The following ADAM10 variants were observed in gnomAD, a reference collection of about 807,000 sequenced individuals.
ADAM10 encodes the protein ADAM metallopeptidase domain 10.
Under a neutral mutation model 90.1 loss-of-function variants are expected in ADAM10, and 17 were observed. The ratio of observed to expected loss-of-function variants is 0.19; its 90% CI spans 0.13 to 0.28. ADAM10 has a LOEUF of 0.28. ADAM10 is among the 10% of genes least tolerant of loss of function. The pLI is 1.00. For synonymous variants in ADAM10, 310 were observed against 298.6 expected (o/e 1.04, Z -0.40); for missense variants, 610 against 914.3 (o/e 0.67, Z 4.29).
intron 5 of ADAM10, among the ~76,000 whole-genome samples, chr15:58,661,217 T>C (rs1896957659): frequency 6.6e-6 from 1 of 152,210 alleles, no homozygotes; most frequent in Admixed American, 6.5e-5. Flanking sequence ...GAGAAAAAAC[T>C]GCTTAATATT....
intron 5 of ADAM10, among the ~76,000 whole-genome samples, chr15:58,659,732 T>C (rs1033715194): frequency 3.9e-5 from 6 of 152,206 alleles, no homozygotes; most frequent in African/African-American, 1.4e-4. Flanking sequence ...TATGAAGTTT[T>C]CTCTTTCTTT....
intron 5 of ADAM10, among the ~76,000 whole-genome samples, chr15:58,650,760 T>C (rs1387421064): frequency 6.6e-6 from 1 of 152,226 alleles, no homozygotes; most frequent in Non-Finnish European, 1.5e-5. Context: ...AACACGTATA[T>C]GGAAATATAC....
chr15:58,614,752 C>T (rs1253093163), intron 11 of ADAM10, among the ~76,000 whole-genome samples: 11 of 152,078 alleles, frequency 7.2e-5, no homozygotes, highest in African/African-American at 2.7e-4. Context: ...GATTCCTGCA[C>T]CTGGAAGCAA....
Position 58,592,357 on chromosome 15 carries a change from A to G in ADAM10, c.*5190T>C, listed in dbSNP as rs1415244444. ...CCCAAAGGTAACTATAATTCTGTCC[A>G]CTACCATCATTAACTCACAGAGTTA... On this transcript the variant is annotated 3_prime_UTR_variant, in exon 16 of 16. Transcript: ENST00000260408. The G allele has an allele frequency of 6.6e-6, 1 of 152,202 alleles. No homozygotes were observed. Among genetic ancestry groups the G allele is most frequent in the African/African-American group, 2.4e-5 (1 of 41,434 alleles). The allele number at this position is 152,202 out of a possible 1,614,324, so 9.4% of individuals were successfully genotyped here. A position where few individuals can be genotyped will look rare whatever the true frequency, so the allele number is the denominator to read the frequency against.
chr15:58,651,308 C>T (rs1166615569), intron 5 of ADAM10, among the ~76,000 whole-genome samples: 4 of 152,050 alleles, frequency 2.6e-5, no homozygotes, highest in Admixed American at 6.6e-5. Flanking sequence ...TTATTATTGA[C>T]TATAGTTGCC....
chr15:58,677,599 A>G (rs1440614579), intron 4 of ADAM10, among the ~76,000 whole-genome samples: 3 of 152,332 alleles, frequency 2.0e-5, no homozygotes, highest in South Asian at 4.1e-4. Flanking sequence ...GAGAGGCACA[A>G]TAACAGAAGT....
intron 2 of ADAM10, among the ~76,000 whole-genome samples, chr15:58,714,059 C>A (rs1416604178): frequency 6.6e-6 from 1 of 152,172 alleles, no homozygotes; most frequent in African/African-American, 2.4e-5. Flanking sequence ...CCGCCTCAGC[C>A]TCCCAAAGTG....
intron 5 of ADAM10, among the ~76,000 whole-genome samples, chr15:58,662,247 T>G (rs1344126807): frequency 6.6e-6 from 1 of 152,198 alleles, no homozygotes; most frequent in African/African-American, 2.4e-5. Context: ...TTGAGGTTTG[T>G]TTTTCTGCTT....
intron 2 of ADAM10, among the ~76,000 whole-genome samples, chr15:58,714,309 A>ACG (rs1326207561): frequency 3.3e-5 from 5 of 151,670 alleles, no homozygotes; most frequent in Non-Finnish European, 5.9e-5. Context: ...ACACACACAC[A>ACG]CACACACACA....
At chr15:58,634,151 A>G (rs1175944746) in intron 8 of ADAM10, among the ~76,000 whole-genome samples, 1 of 152,044 alleles carries the variant, frequency 6.6e-6, no homozygotes, top group East Asian at 1.9e-4. Context: ...TCTCTACTAA[A>G]AATACAAAAA....
intron 1 of ADAM10, among the ~76,000 whole-genome samples, chr15:58,720,432 G>T (rs544507148): frequency 6.7e-6 from 1 of 148,328 alleles, no homozygotes; most frequent in East Asian, 2.0e-4. Context: ...ACAGAGTCTC[G>T]CTCTGTCACC....
At chr15:58,647,248 ATTTTTTTTTT>A (rs67378373) in intron 5 of ADAM10, among the ~76,000 whole-genome samples, 118 of 59,600 alleles carry the variant, frequency 2.0e-3, no homozygotes, top group South Asian at 3.8e-3. Context: ...GACACTAAGT[ATTTTTTTTTT>A]TTTTTTTTTT....
intron 5 of ADAM10, among the ~76,000 whole-genome samples, chr15:58,655,727 A>ATATAC (rs1566982461): frequency 1.0e-5 from 1 of 99,852 alleles, no homozygotes; most frequent in African/African-American, 3.7e-5. Context: ...ATATATATAT[A>ATATAC]TATATATATA....
At chr15:58,616,733 G>A (rs1438972820) in intron 11 of ADAM10, among the ~76,000 whole-genome samples, 1 of 152,066 alleles carries the variant, frequency 6.6e-6, no homozygotes, top group East Asian at 1.9e-4. Context: ...GAAAAAGCAA[G>A]AACGAACCAA....
chr15:58,736,732 C>A (rs1369139508), intron 1 of ADAM10, among the ~76,000 whole-genome samples: 1 of 151,736 alleles, frequency 6.6e-6, no homozygotes, highest in African/African-American at 2.4e-5. Flanking sequence ...TAAAAATTTT[C>A]AAGAATTAAA....
Position 58,727,201 on chromosome 15 carries a change from TTTTTC to T in ADAM10, c.56-9479_56-9475del, listed in dbSNP as rs1348539880. ...CTTTTTTTTTTTTTTTTTTTTTTTT[TTTTTC>T]CCAAAAACAGCGTTTCGCTCGTTGC... On this transcript the variant is annotated intron_variant, in intron 1 of 15. Transcript: ENST00000260408. Among the ~76,000 whole-genome samples the T allele has an allele frequency of 2.3e-5, 3 of 128,670 alleles. 1 individual carries two copies. The highest frequency in any genetic ancestry group is 1.6e-5 in the Non-Finnish European group (1 of 61,886). 84.4% of individuals were successfully genotyped at this position (128,670 alleles called of 152,430 possible).
intron 2 of ADAM10, among the ~76,000 whole-genome samples, chr15:58,714,304 C>CAA (rs1296976256): frequency 4.0e-5 from 6 of 151,456 alleles, no homozygotes; most frequent in Non-Finnish European, 7.4e-5. Flanking sequence ...CACACACACA[C>CAA]ACACACACAC....
rs181115559 is a variant in ADAM10, at chr15:58,618,047, A to C, written c.1511+3424T>G. Among the ~76,000 whole-genome samples, 19 of 152,194 alleles carry C rather than the reference A, an allele frequency of 1.2e-4. 1 individual carries two copies. Reference sequence around the variant, plus strand: ...TCACAGATAAAGAGAAAACAATCCTATAAGTCATATGAAACCACAGAAGCC... The same window carrying C: ...TCACAGATAAAGAGAAAACAATCCTCTAAGTCATATGAAACCACAGAAGCC... On this transcript the variant is annotated intron_variant, in intron 11 of 15. Transcript: ENST00000260408.
At chr15:58,599,037 TAA>T (rs1895035602) in intron 15 of ADAM10, among the ~76,000 whole-genome samples, 1 of 151,984 alleles carries the variant, frequency 6.6e-6, no homozygotes, top group Admixed American at 6.6e-5. Flanking sequence ...CTAAAAACGA[TAA>T]GAGAGCTGGG....
Sources: allele counts gnomAD v4.1 joint callset (sites outside exome capture counted in the v4.1 genomes callset), GRCh38; gene constraint gnomAD v4.1.1; transcripts MANE v1.5; gene names NCBI Gene and HGNC (gene_info 2026-07-23, HGNC 2026-07-21).